GYPC: variants seen among roughly 807,000 people sequenced by gnomAD.
GYPC encodes glycophorin C (Gerbich blood group).
Under a neutral mutation model 12.6 loss-of-function variants are expected in GYPC, and 14 were observed. The ratio of observed to expected loss-of-function variants is 1.11; its 90% CI spans 0.74 to 1.74. The LOEUF (loss-of-function observed/expected upper bound fraction) is 1.74. Among genes scored for constraint, GYPC ranks in the 40% most tolerant of loss-of-function variants. The pLI is 0.00. For missense variants in GYPC, 225 were observed against 172.1 expected (o/e 1.31, Z -1.72); for synonymous variants, 78 against 62.1 (o/e 1.26, Z -1.20).
intron 1 of GYPC, among the ~76,000 whole-genome samples, chr2:126,671,450 C>T (rs1055166010): frequency 1.2e-4 from 18 of 152,230 alleles, no homozygotes; most frequent in Admixed American, 3.3e-4. Context: ...AACCTCTCCA[C>T]GCACGGGGCC....
chr2:126,693,979 C>T, intron 3 of GYPC, 32 bp downstream of exon 3: 1 of 1,427,470 alleles, frequency 7.0e-7, no homozygotes, highest in Non-Finnish European at 9.9e-7. Flanking sequence ...CTTCAAGCAG[C>T]CAGGGTGGGG....
At position 126,657,360 on chromosome 2, in the gene GYPC, T is replaced by C. The variant is rs977175942; in HGVS notation, c.49+1048T>C. Among the ~76,000 whole-genome samples, 8 of 152,338 alleles carry C rather than the reference T, an allele frequency of 5.3e-5. No individual in the cohort carries two copies. The South Asian group carries it at 1.7e-3, about 32-fold the overall frequency. On this transcript the variant is annotated intron_variant, in intron 1 of 3. Coordinates refer to ENST00000259254, the MANE Select transcript of GYPC (RefSeq NM_002101.5). ...GGCCCCTCAGTCTGCACTGGGATCA[T>C]CTGCACTGCCTATAAACAAGGCAGC...
intron 1 of GYPC, among the ~76,000 whole-genome samples, chr2:126,676,655 A>G (rs1293558330): frequency 6.6e-6 from 1 of 152,088 alleles, no homozygotes; most frequent in South Asian, 2.1e-4. Flanking sequence ...CAAGACCTGG[A>G]TAGGGGGCTG....
chr2:126,685,699 C>T (rs550744549), intron 1 of GYPC: 8 of 821,270 alleles, frequency 9.7e-6, no homozygotes, highest in Non-Finnish European at 1.2e-5. Context: ...ATTGACTTTT[C>T]TAACCAGGCT....
At chr2:126,656,800 A>C (rs1682377811) in intron 1 of GYPC, among the ~76,000 whole-genome samples, 2 of 152,212 alleles carry the variant, frequency 1.3e-5, no homozygotes, top group South Asian at 4.1e-4. Flanking sequence ...AAAGGCACAC[A>C]GATGCGAGGG....
At chr2:126,681,556 GAAGGT>G (rs28387173) in intron 1 of GYPC, among the ~76,000 whole-genome samples, 7,388 of 152,186 alleles carry the variant, frequency 0.049, 250 homozygotes, top group Non-Finnish European at 0.076. Context: ...CCAGAGTATT[GAAGGT>G]ACTTGTTTCT....
chr2:126,694,330 C>T (rs1470654713), intron 3 of GYPC, among the ~76,000 whole-genome samples: 1 of 152,062 alleles, frequency 6.6e-6, no homozygotes, highest in Admixed American at 6.6e-5. Context: ...GTCCATGACC[C>T]TCAACCCTCC....
chr2:126,661,287 G>T (rs1011956713), intron 1 of GYPC, among the ~76,000 whole-genome samples: 2 of 152,088 alleles, frequency 1.3e-5, no homozygotes, highest in Non-Finnish European at 2.9e-5. Flanking sequence ...GCTGTAGATG[G>T]GGGCAGAGCA....
At position 126,656,200 on chromosome 2, in the gene GYPC, CCCCGGCCCGG is replaced by C; in HGVS notation, c.-61_-52del. 1 of 1,545,700 alleles carries C rather than the reference CCCCGGCCCGG, an allele frequency of 6.5e-7. No individual in the cohort carries two copies. The highest frequency in any genetic ancestry group is 8.7e-7 in the Non-Finnish European group (1 of 1,146,702). On this transcript the variant is annotated 5_prime_UTR_variant, in exon 1 of 4. Coordinates refer to ENST00000259254, the MANE Select transcript of GYPC (RefSeq NM_002101.5). ...TCAGGAGCCCGGGAGCGCGACCCTC[CCCCGGCCCGG>C]CCTGGCCCGGCCTGGCCAGTCCCCG...
chr2:126,681,917 C>A (rs1321597505), intron 1 of GYPC, among the ~76,000 whole-genome samples: 4 of 152,258 alleles, frequency 2.6e-5, no homozygotes, highest in Non-Finnish European at 4.4e-5. Context: ...GGCAAGTGTG[C>A]TGACTTCACA....
intron 1 of GYPC, among the ~76,000 whole-genome samples, chr2:126,659,764 T>C (rs1682479104): frequency 6.6e-6 from 1 of 151,746 alleles, no homozygotes. Context: ...CATTTTCTTT[T>C]CTTTTTCTTT....
chr2:126,678,327 A>G (rs1683065987), intron 1 of GYPC: 2 of 152,270 alleles, frequency 1.3e-5, no homozygotes, highest in African/African-American at 4.8e-5. Flanking sequence ...CTGACATAAA[A>G]GACAGATCAC....
At chr2:126,681,500 A>G (rs571380467) in intron 1 of GYPC, among the ~76,000 whole-genome samples, 1 of 152,320 alleles carries the variant, frequency 6.6e-6, no homozygotes. Flanking sequence ...AATTCCTAGA[A>G]GTGGATTGCT....
chr2:126,676,307 C>A (rs1182325908), intron 1 of GYPC, among the ~76,000 whole-genome samples: 1 of 152,164 alleles, frequency 6.6e-6, no homozygotes, highest in Non-Finnish European at 1.5e-5. Context: ...GTGCTAAGAA[C>A]CCTGATGATA....
At chr2:126,690,655 G>C (rs1035575816) in intron 2 of GYPC, among the ~76,000 whole-genome samples, 2 of 152,106 alleles carry the variant, frequency 1.3e-5, no homozygotes, top group African/African-American at 4.8e-5. Flanking sequence ...TGAGGGTGGA[G>C]GTGAGATGAG....
intron 3 of GYPC, among the ~76,000 whole-genome samples, chr2:126,695,429 C>G (rs1255955779): frequency 6.6e-6 from 1 of 152,166 alleles, no homozygotes; most frequent in African/African-American, 2.4e-5. Flanking sequence ...TACAGTGCCA[C>G]CACACAACAG....
At chr2:126,677,462 A>T (rs1377673113) in intron 1 of GYPC, among the ~76,000 whole-genome samples, 1 of 141,698 alleles carries the variant, frequency 7.1e-6, no homozygotes, top group African/African-American at 2.7e-5. Context: ...TAAGAGTGTG[A>T]CAGTGTGTGT....
intron 1 of GYPC, among the ~76,000 whole-genome samples, chr2:126,674,874 A>T (rs1414888565): frequency 1.3e-5 from 2 of 151,702 alleles, no homozygotes; most frequent in Non-Finnish European, 2.9e-5. Flanking sequence ...GTTACTGTTA[A>T]CCCCCCAACA....
chr2:126,682,517 C>T (rs1012354785), intron 1 of GYPC, among the ~76,000 whole-genome samples: 1 of 152,158 alleles, frequency 6.6e-6, no homozygotes, highest in African/African-American at 2.4e-5. Context: ...TCTTGAGAGC[C>T]TGGTTGCCGC....
Sources: gnomAD v4.1 joint callset for allele counts (sites outside exome capture counted in the v4.1 genomes callset) on GRCh38, gnomAD v4.1.1 for gene constraint, MANE v1.5 for transcripts, NCBI Gene and HGNC (gene_info 2026-07-23, HGNC 2026-07-21) for gene names.